The following MYOF variants were observed in gnomAD, a reference collection of about 807,000 sequenced individuals.
The protein encoded by MYOF is fer-1-like 3, myoferlin.
Under a neutral mutation model 284.2 loss-of-function variants are expected in MYOF, and 244 were observed. The observed-to-expected ratio is 0.86, with a 90% confidence interval of 0.77 to 0.95. The LOEUF is 0.95. Among genes scored for constraint, MYOF ranks in the 40% least tolerant of loss-of-function variants. The probability of loss-of-function intolerance (pLI) is 0.00; values close to 1 mark genes in which losing one functional copy is unlikely to be tolerated. For synonymous variants in MYOF, 904 were observed against 919.7 expected (o/e 0.98, Z 0.31); for missense variants, 2,496 against 2,560.6 (o/e 0.97, Z 0.54).
chr10:93,417,481 G>A (rs1848182231), intron 5 of MYOF, among the ~76,000 whole-genome samples: 2 of 152,104 alleles, frequency 1.3e-5, no homozygotes, highest in African/African-American at 4.8e-5. Context: ...GGCAGCCCTA[G>A]AGGACCTCGT....
intron 2 of MYOF, among the ~76,000 whole-genome samples, chr10:93,454,092 G>A (rs1324526034): frequency 6.6e-6 from 1 of 152,088 alleles, no homozygotes; most frequent in African/African-American, 2.4e-5. Flanking sequence ...TGAGGAAGGA[G>A]AATCACTTGA....
At chr10:93,343,220 C>T (rs977008333) in intron 38 of MYOF, among the ~76,000 whole-genome samples, 4 of 152,164 alleles carry the variant, frequency 2.6e-5, no homozygotes, top group East Asian at 3.9e-4. Flanking sequence ...CTTTTTGCCC[C>T]CTTTCCTTCG....
chr10:93,383,368 G>A (rs1373998755), intron 19 of MYOF, among the ~76,000 whole-genome samples: 2 of 152,114 alleles, frequency 1.3e-5, no homozygotes, highest in Non-Finnish European at 2.9e-5. Context: ...ATCCCCTCTA[G>A]GCCTCAATCT....
intron 40 of MYOF, 132 bp from the exon 41 acceptor site, chr10:93,336,178 G>A: frequency 2.0e-6 from 2 of 988,688 alleles, no homozygotes; most frequent in East Asian, 2.6e-5. Context: ...GCTGGCGGGA[G>A]TGTAGACAGA....
chr10:93,384,487 A>G (rs1200323020), intron 19 of MYOF, among the ~76,000 whole-genome samples: 1 of 152,140 alleles, frequency 6.6e-6, no homozygotes, highest in African/African-American at 2.4e-5. Context: ...TACTAAAAAT[A>G]CAAAAAATTA....
At chr10:93,465,286 G>C (rs926823465) in intron 1 of MYOF, among the ~76,000 whole-genome samples, 3 of 152,126 alleles carry the variant, frequency 2.0e-5, no homozygotes, top group African/African-American at 7.2e-5. Flanking sequence ...TGCCTTGAAG[G>C]CTGAGACTAT....
In MYOF at chr10:93,355,697, C is replaced by G. The variant is rs774143580; in HGVS notation, c.3334G>C (p.Glu1112Gln). 5 of 1,613,174 alleles carry G rather than the reference C, an allele frequency of 3.1e-6. No homozygotes were observed. Among genetic ancestry groups the G allele is most frequent in the African/African-American group, 1.3e-5 (1 of 74,924 alleles). The change falls in exon 31 of 54, where the codon GAG (glutamate) becomes CAG (glutamine). Residue 1112 changes from glutamate to glutamine, a missense_variant. Physicochemically the swap from Glu to Gln is conservative, Grantham distance 29. This residue lies in a region of MYOF where 2,436 missense variants were observed against 2,480.7 expected (regional missense o/e 0.98). Transcript: ENST00000359263. ...GTGGTGGCACTGTGCTTCTGTTTCTCCAGGCTCTTCTCATCCCCATCTTCG... is the reference window on the plus strand; with the variant it reads ...GTGGTGGCACTGTGCTTCTGTTTCTGCAGGCTCTTCTCATCCCCATCTTCG... The part of the protein sequence containing the change: ...TTEDGDEKSL[E>Q]KQKHSATTVF...
intron 17 of MYOF, 42 bp from the exon 18 acceptor site, chr10:93,389,196 T>G: frequency 6.3e-7 from 1 of 1,584,102 alleles, no homozygotes; most frequent in Non-Finnish European, 8.6e-7. Flanking sequence ...GCTTTTAACA[T>G]TCAATCTATT....
chr10:93,341,998 GC>G, intron 38 of MYOF: 1 of 1,283,606 alleles, frequency 7.8e-7, no homozygotes, highest in Non-Finnish European at 1.0e-6. Context: ...TGTTGAGATG[GC>G]CATGTACACA....
intron 35 of MYOF, 44 bp from the exon 36 acceptor site, chr10:93,350,013 T>C (rs755165134): frequency 1.3e-6 from 2 of 1,567,216 alleles, no homozygotes; most frequent in African/African-American, 1.4e-5. Context: ...CTCAGCACTT[T>C]AAAAATAATA....
intron 3 of MYOF, among the ~76,000 whole-genome samples, chr10:93,448,285 T>A (rs1451169554): frequency 6.6e-6 from 1 of 152,016 alleles, no homozygotes; most frequent in Admixed American, 6.6e-5. Flanking sequence ...CTTTTGTGAT[T>A]ATATTTAGGT....
chr10:93,314,406 C>A (rs1455837567), intron 50 of MYOF, among the ~76,000 whole-genome samples: 1 of 152,150 alleles, frequency 6.6e-6, no homozygotes, highest in South Asian at 2.1e-4. Flanking sequence ...CTCTTTAGTA[C>A]CACTTCCACG....
intron 40 of MYOF, among the ~76,000 whole-genome samples, chr10:93,336,785 G>T (rs992998864): frequency 6.6e-6 from 1 of 150,632 alleles, no homozygotes; most frequent in Non-Finnish European, 1.5e-5. Flanking sequence ...GAAGGCAGGA[G>T]AAAAGGAAGA....
chr10:93,342,532 C>G (rs1843970273), intron 38 of MYOF, among the ~76,000 whole-genome samples: 1 of 152,156 alleles, frequency 6.6e-6, no homozygotes, highest in Non-Finnish European at 1.5e-5. Flanking sequence ...TGCTATGTTG[C>G]AATGTTTAAC....
At position 93,387,819 on chromosome 10, in the gene MYOF, T is replaced by C. The variant is rs747808955; in HGVS notation, c.1676A>G (p.Asn559Ser). ...PPDKKLEPIS[N>S]DDLLVVEKYQ... The stretch of plus-strand genomic sequence containing the variant: ...TACCTCAACAACCAGCAGGTCATCA[T>C]TTGAAATGGGCTCAAGCTTTTTATC... Residue 559 changes from asparagine to serine, a missense_variant, in exon 19 of 54, where the codon AAT becomes AGT. Asn to Ser is a conservative substitution (Grantham distance 46). Around this residue, in one of 3 missense-constraint regions of MYOF, gnomAD observed 2,436 missense variants for 2,480.7 expected, o/e 0.98. Coordinates refer to ENST00000359263, the MANE Select transcript of MYOF (RefSeq NM_013451.4). 4.2e-5 allele frequency: 67 copies of C among 1,613,944 alleles called. No individual in the cohort carries two copies. In the South Asian group the frequency reaches 7.1e-4, roughly 17 times the overall value.
chr10:93,421,088 C>T (rs1027311375), intron 5 of MYOF, among the ~76,000 whole-genome samples: 1 of 152,136 alleles, frequency 6.6e-6, no homozygotes, highest in African/African-American at 2.4e-5. Context: ...CATGGTGGCA[C>T]ATGCCTGTAA....
chr10:93,382,861 G>A (rs759611186), intron 19 of MYOF, among the ~76,000 whole-genome samples: 8 of 152,106 alleles, frequency 5.3e-5, no homozygotes, highest in Non-Finnish European at 4.4e-5. Context: ...CAGTCTCTGC[G>A]TTCAATTATT....
In MYOF at chr10:93,325,896, G is replaced by C; in HGVS notation, c.5201C>G (p.Thr1734Ser). 2 of 1,614,116 alleles carry C rather than the reference G, an allele frequency of 1.2e-6. No homozygotes were observed. The highest frequency in any genetic ancestry group is 2.2e-5 in the South Asian group (2 of 91,080). Residue 1734 changes from threonine (T) to serine (S), a missense_variant, in exon 46 of 54, where the codon ACT (threonine) becomes AGT (serine). Transcript: ENST00000359263. ...CACGTGCTCAGGGACCAGCCCCTGA[G>C]TCCTGAGGATGTGAAGAGCAAGCCG... is the stretch of plus-strand genomic sequence containing the variant. Reference protein sequence around the residue: ...EERLALHILRTQGLVPEHVET... With the variant: ...EERLALHILRSQGLVPEHVET...
intron 7 of MYOF, 63 bp from the exon 8 acceptor site, chr10:93,404,282 T>C (rs1000187717): frequency 1.3e-6 from 2 of 1,564,686 alleles, no homozygotes; most frequent in Non-Finnish European, 1.7e-6. Context: ...GGGAATCTGA[T>C]ACTATAATTT....
Sources: allele counts gnomAD v4.1 joint callset (sites outside exome capture counted in the v4.1 genomes callset), GRCh38; gene constraint gnomAD v4.1.1; regional missense constraint gnomAD v4.1.1; transcripts MANE v1.5; gene names NCBI Gene and HGNC (gene_info 2026-07-23, HGNC 2026-07-21).